Variants in EYS observed in about 807,000 individuals in gnomAD.
EYS encodes EGF-like photoreceptor maintenance factor.
In EYS, 250 loss-of-function variants were observed where a neutral mutation model predicts 282.1. The ratio of observed to expected loss-of-function variants is 0.89; its 90% confidence interval spans 0.80 to 0.98. EYS has a LOEUF of 0.98. Ranked by LOEUF, EYS falls within the 50% of genes least tolerant of loss-of-function variation. EYS has a pLI of 0.00. For missense variants in EYS, 4,016 were observed against 3,709.0 expected (o/e 1.08, Z -2.15); for synonymous variants, 1,355 against 1,282.9 (o/e 1.06, Z -1.20).
At chr6:65,172,827 A>G (rs1291462129) in intron 12 of EYS, among the ~76,000 whole-genome samples, 1 of 151,264 alleles carries the variant, frequency 6.6e-6, no homozygotes, top group African/African-American at 2.4e-5. Flanking sequence ...GATCTTAGAT[A>G]AGAGAATAGT....
intron 35 of EYS, among the ~76,000 whole-genome samples, chr6:63,897,033 G>T (rs1773552190): frequency 6.6e-6 from 1 of 152,178 alleles, no homozygotes; most frequent in African/African-American, 2.4e-5. Context: ...CATTATAAAT[G>T]ATTACAATAT....
chr6:64,517,346 A>G (rs1372647872), intron 26 of EYS, among the ~76,000 whole-genome samples: 2 of 151,802 alleles, frequency 1.3e-5, no homozygotes, highest in African/African-American at 2.4e-5. Flanking sequence ...CCAGGAGAGA[A>G]TTTTGGGAAG....
chr6:64,220,760 TATA>T (rs2150333000), intron 31 of EYS, among the ~76,000 whole-genome samples: 1 of 152,304 alleles, frequency 6.6e-6, no homozygotes, highest in Admixed American at 6.5e-5. Context: ...TTTATATTCA[TATA>T]ATAAGTTTGA....
chr6:63,902,489 C>T (rs187512523), intron 35 of EYS, among the ~76,000 whole-genome samples: 2 of 152,032 alleles, frequency 1.3e-5, no homozygotes, highest in African/African-American at 4.8e-5. Flanking sequence ...CATCTTTAAA[C>T]TTCTTTAAGA....
intron 8 of EYS, among the ~76,000 whole-genome samples, chr6:65,358,599 AGTGTGTGTGTGTGTGTGT>A (rs61588307): frequency 2.1e-5 from 3 of 140,836 alleles, no homozygotes; most frequent in Admixed American, 7.2e-5. Flanking sequence ...AGGTTTCTGA[AGTGTGTGTGTGTGTGTGT>A]GTGTGTGTGT....
intron 2 of EYS, among the ~76,000 whole-genome samples, chr6:65,576,778 A>G (rs1451875418): frequency 6.6e-6 from 1 of 151,868 alleles, no homozygotes; most frequent in African/African-American, 2.4e-5. Flanking sequence ...CCATGCACTA[A>G]CAACAAACTA....
intron 22 of EYS, among the ~76,000 whole-genome samples, chr6:64,641,266 C>A (rs1364609979): frequency 2.0e-5 from 3 of 152,054 alleles, no homozygotes; most frequent in Admixed American, 2.0e-4. Flanking sequence ...AGGGAAACTC[C>A]CCTTTTGAAA....
intron 11 of EYS, among the ~76,000 whole-genome samples, chr6:65,296,334 C>T (rs1246257313): frequency 6.6e-6 from 1 of 151,836 alleles, no homozygotes; most frequent in African/African-American, 2.4e-5. Flanking sequence ...AACTTTGGTG[C>T]TGAATATATC....
intron 15 of EYS, among the ~76,000 whole-genome samples, chr6:64,930,021 T>C (rs16896063): frequency 0.022 from 3,410 of 152,272 alleles, 135 homozygotes; most frequent in African/African-American, 0.077. Context: ...ACTGTAAGTG[T>C]CTGCTATAGA....
chr6:64,803,824 T>C (rs982844262), intron 22 of EYS, among the ~76,000 whole-genome samples: 3 of 152,168 alleles, frequency 2.0e-5, no homozygotes, highest in South Asian at 2.1e-4. Flanking sequence ...TGCTCCAAAA[T>C]TGGAGCAGGT....
chr6:64,910,583 C>T (rs1271968476), intron 16 of EYS, among the ~76,000 whole-genome samples: 1 of 152,024 alleles, frequency 6.6e-6, no homozygotes, highest in African/African-American at 2.4e-5. Flanking sequence ...TTACCTGCCA[C>T]TCTAGCCAAA....
At chr6:65,145,056 C>T (rs1764442927) in intron 12 of EYS, among the ~76,000 whole-genome samples, 1 of 151,980 alleles carries the variant, frequency 6.6e-6, no homozygotes, top group African/African-American at 2.4e-5. Context: ...CAGGCATGAG[C>T]CACAGAGCCC....
chr6:65,332,278 T>C (rs1434814975), intron 11 of EYS: 1 of 694,218 alleles, frequency 1.4e-6, no homozygotes, highest in Non-Finnish European at 2.7e-6. Context: ...TTTATTCTAT[T>C]GATACATTAA....
intron 9 of EYS, among the ~76,000 whole-genome samples, chr6:65,352,634 C>A (rs1207652596): frequency 6.6e-6 from 1 of 151,806 alleles, no homozygotes; most frequent in Non-Finnish European, 1.5e-5. Context: ...AATTCATAAA[C>A]AAGATCTTCC....
intron 22 of EYS, among the ~76,000 whole-genome samples, chr6:64,810,982 A>G (rs900803596): frequency 2.0e-5 from 3 of 152,218 alleles, no homozygotes; most frequent in East Asian, 1.9e-4. Flanking sequence ...ACTCAGAACA[A>G]TAAGTTCAAT....
chr6:65,461,262 C>T (rs1410900812), intron 5 of EYS, among the ~76,000 whole-genome samples: 4 of 152,116 alleles, frequency 2.6e-5, no homozygotes, highest in Admixed American at 6.6e-5. Context: ...TGCAATTGTT[C>T]TGAACAAACT....
intron 26 of EYS, among the ~76,000 whole-genome samples, chr6:64,517,979 T>C (rs987177081): frequency 1.3e-5 from 2 of 151,876 alleles, no homozygotes; most frequent in African/African-American, 4.8e-5. Context: ...CCTCCAAAGG[T>C]TACTTGCCTT....
intron 26 of EYS, among the ~76,000 whole-genome samples, chr6:64,577,115 C>T (rs909317314): frequency 3.3e-5 from 5 of 152,002 alleles, no homozygotes; most frequent in Admixed American, 6.6e-5. Context: ...GGGATTCTCC[C>T]CTGTAGGTTT....
At chr6:64,576,040 G>A (rs530451002) in intron 26 of EYS, among the ~76,000 whole-genome samples, 9 of 152,212 alleles carry the variant, frequency 5.9e-5, no homozygotes, top group Admixed American at 5.2e-4. Flanking sequence ...GAAATTCTGA[G>A]ATTTATTCAC....
Sources: allele counts gnomAD v4.1 joint callset (sites outside exome capture counted in the v4.1 genomes callset), GRCh38; gene constraint gnomAD v4.1.1; transcripts MANE v1.5; gene names NCBI Gene and HGNC (gene_info 2026-07-23, HGNC 2026-07-21).